The following SENP7 variants were observed in gnomAD, a reference collection of about 807,000 sequenced individuals.
SENP7 encodes the protein sentrin-specific protease 7.
Under a neutral mutation model 141.2 loss-of-function variants are expected in SENP7, and 64 were observed. That is an observed-to-expected ratio of 0.45 (90% CI 0.37 to 0.56). The LOEUF is 0.56. SENP7 is among the 20% of genes least tolerant of loss of function. The probability of loss-of-function intolerance (pLI) is 0.00; values close to 1 mark genes in which losing one functional copy is unlikely to be tolerated. For missense variants in SENP7, 1,025 were observed against 1,212.2 expected, an observed-to-expected ratio of 0.85 and a Z score of 2.29; for synonymous variants, 382 against 426.4, an observed-to-expected ratio of 0.90 and a Z score of 1.28.
At chr3:101,480,101 T>C (rs2064404472) in intron 3 of SENP7, among the ~76,000 whole-genome samples, 1 of 151,994 alleles carries the variant, frequency 6.6e-6, no homozygotes, top group Non-Finnish European at 1.5e-5. Context: ...GACCATACTA[T>C]GCAGCAATCT....
At chr3:101,462,496 G>A (rs148061775) in intron 3 of SENP7, among the ~76,000 whole-genome samples, 24 of 145,808 alleles carry the variant, frequency 1.6e-4, no homozygotes, top group Non-Finnish European at 2.4e-4. Flanking sequence ...AGCCGAGATC[G>A]CGCCATTACA....
At chr3:101,450,780 AC>A (rs1180967494) in intron 4 of SENP7, among the ~76,000 whole-genome samples, 8 of 152,338 alleles carry the variant, frequency 5.3e-5, no homozygotes, top group African/African-American at 1.9e-4. Flanking sequence ...TAATATTGAC[AC>A]CCTGACATCA....
At chr3:101,437,358 C>T (rs2062430016) in intron 4 of SENP7, among the ~76,000 whole-genome samples, 1 of 151,932 alleles carries the variant, frequency 6.6e-6, no homozygotes, top group Admixed American at 6.6e-5. Flanking sequence ...TTTTAAATAC[C>T]TTAACAAATG....
At chr3:101,342,538 T>C (rs2107198915) in intron 14 of SENP7, among the ~76,000 whole-genome samples, 1 of 152,260 alleles carries the variant, frequency 6.6e-6, no homozygotes, top group East Asian at 1.9e-4. Flanking sequence ...TGACCAAAAC[T>C]AAAAAATTAA....
At chr3:101,490,515 T>C (rs953133298) in intron 3 of SENP7, among the ~76,000 whole-genome samples, 4 of 152,132 alleles carry the variant, frequency 2.6e-5, no homozygotes, top group African/African-American at 9.6e-5. Context: ...GGTTGAGTCA[T>C]ATACTTGAGT....
chr3:101,342,688 T>TC (rs955018149), intron 14 of SENP7, among the ~76,000 whole-genome samples: 3 of 151,788 alleles, frequency 2.0e-5, no homozygotes, highest in African/African-American at 7.3e-5. Context: ...TTTTTTTTTT[T>TC]AGACAGTCTC....
At chr3:101,331,772 T>C (rs2059061054) in intron 19 of SENP7, among the ~76,000 whole-genome samples, 1 of 152,170 alleles carries the variant, frequency 6.6e-6, no homozygotes, top group Non-Finnish European at 1.5e-5. Context: ...CAATAAGTAG[T>C]AATTTTAAGT....
intron 7 of SENP7, among the ~76,000 whole-genome samples, chr3:101,371,201 A>C (rs1447591613): frequency 5.9e-5 from 9 of 152,066 alleles, no homozygotes; most frequent in Admixed American, 5.2e-4. Context: ...ATGTGGGAGG[A>C]TCACTTGAGC....
intron 5 of SENP7, among the ~76,000 whole-genome samples, chr3:101,403,431 G>A (rs746426173): frequency 3.9e-5 from 6 of 152,146 alleles, no homozygotes; most frequent in South Asian, 2.1e-4. Flanking sequence ...AGAACCCAAC[G>A]CTCAGAAAAG....
intron 4 of SENP7, among the ~76,000 whole-genome samples, chr3:101,436,929 T>C (rs1235615483): frequency 6.6e-6 from 1 of 152,192 alleles, no homozygotes; most frequent in African/African-American, 2.4e-5. Context: ...ACTGCTGGTA[T>C]ACACCAGAAA....
intron 5 of SENP7, among the ~76,000 whole-genome samples, chr3:101,415,609 C>T (rs1261862360): frequency 3.9e-5 from 6 of 152,156 alleles, no homozygotes; most frequent in Non-Finnish European, 8.8e-5. Flanking sequence ...ACTTAGCCCC[C>T]TGAATTAACA....
intron 3 of SENP7, among the ~76,000 whole-genome samples, chr3:101,470,318 G>C (rs1193124078): frequency 2.6e-5 from 4 of 152,174 alleles, no homozygotes; most frequent in Non-Finnish European, 5.9e-5. Context: ...AATCAAGTCG[G>C]CTTCATCCCT....
chr3:101,379,492 A>C (rs1406563736), intron 6 of SENP7, among the ~76,000 whole-genome samples: 2 of 151,946 alleles, frequency 1.3e-5, no homozygotes, highest in African/African-American at 2.4e-5. Context: ...TACAACTTAC[A>C]AAAAAAATCC....
intron 6 of SENP7, among the ~76,000 whole-genome samples, chr3:101,374,026 A>C (rs189191039): frequency 6.6e-6 from 1 of 152,316 alleles, no homozygotes; most frequent in African/African-American, 2.4e-5. Flanking sequence ...AATTCTAAGA[A>C]TTTTTTTAAA....
chr3:101,351,172 GA>G (rs1402364164), intron 12 of SENP7, among the ~76,000 whole-genome samples: 1 of 151,950 alleles, frequency 6.6e-6, no homozygotes, highest in African/African-American at 2.4e-5. Flanking sequence ...AAGAGAATGA[GA>G]AAATGGTGTG....
Position 101,325,817 on chromosome 3 carries a change from G to A in SENP7, c.*126C>T. The A allele has an allele frequency of 2.5e-6, 2 of 800,936 alleles. No individual in the cohort carries two copies. Among genetic ancestry groups the A allele is most frequent in the South Asian group, 2.9e-5 (1 of 34,978 alleles). The allele number at this position is 800,936 out of a possible 1,614,324, so 49.6% of individuals were successfully genotyped here. On this transcript the variant is annotated 3_prime_UTR_variant, in exon 24 of 24. Coordinates refer to ENST00000394095, the MANE Select transcript of SENP7 (RefSeq NM_020654.5). Reference sequence around the variant, plus strand: ...ATGTGTCCTACATATTTTAAATAATGTTCCAATGACTTATTATAAAACTAC... The same window carrying A: ...ATGTGTCCTACATATTTTAAATAATATTCCAATGACTTATTATAAAACTAC...
intron 4 of SENP7, among the ~76,000 whole-genome samples, chr3:101,434,172 C>G (rs1218146626): frequency 6.6e-6 from 1 of 151,968 alleles, no homozygotes; most frequent in East Asian, 1.9e-4. Context: ...CAATATGTTC[C>G]TGAATGGCCA....
chr3:101,417,535 G>C (rs1485003089), intron 5 of SENP7, 58 bp downstream of exon 5: 1 of 1,337,132 alleles, frequency 7.5e-7, no homozygotes, highest in Non-Finnish European at 1.1e-6. Context: ...TTAGGAGTAC[G>C]GGATTCATAT....
At chr3:101,456,027 T>C (rs1440766769) in intron 4 of SENP7, among the ~76,000 whole-genome samples, 2 of 152,200 alleles carry the variant, frequency 1.3e-5, no homozygotes, top group Non-Finnish European at 1.5e-5. Flanking sequence ...CTTTCTACCA[T>C]ACAACAGAGA....
Sources: allele counts gnomAD v4.1 joint callset (sites outside exome capture counted in the v4.1 genomes callset), GRCh38; gene constraint gnomAD v4.1.1; transcripts MANE v1.5; gene names NCBI Gene and HGNC (gene_info 2026-07-23, HGNC 2026-07-21).